EPB41L2: variants seen among roughly 807,000 people sequenced by gnomAD.
The protein encoded by EPB41L2 is erythrocyte membrane protein band 4.1 like 2, also known as band 4.1-like protein 2.
A neutral mutation model predicts 113.0 loss-of-function variants in EPB41L2; 43 were observed. That is an observed-to-expected ratio of 0.38 (90% CI 0.30 to 0.49). The LOEUF (loss-of-function observed/expected upper bound fraction) is 0.49, where lower values mean the gene tolerates loss of function less well. Ranked by LOEUF, EPB41L2 falls within the 20% of genes least tolerant of loss-of-function variation. The probability of loss-of-function intolerance (pLI) is 0.95; values close to 1 mark genes in which losing one functional copy is unlikely to be tolerated. For missense variants in EPB41L2, 1,147 were observed against 1,223.4 expected (o/e 0.94, Z 0.93); for synonymous variants, 442 against 436.7 (o/e 1.01, Z -0.15).
At chr6:130,960,946 T>G (rs1773343322) in intron 1 of EPB41L2, among the ~76,000 whole-genome samples, 3 of 152,202 alleles carry the variant, frequency 2.0e-5, no homozygotes, top group Non-Finnish European at 4.4e-5. Context: ...GACTGGCACA[T>G]AATAGGTATC....
At chr6:130,955,519 T>C (rs1427178573) in intron 2 of EPB41L2, among the ~76,000 whole-genome samples, 3 of 152,230 alleles carry the variant, frequency 2.0e-5, no homozygotes, top group Non-Finnish European at 4.4e-5. Context: ...TTTTGCCAAG[T>C]TGGTTATTTG....
chr6:130,869,663 T>C lies in EPB41L2; in HGVS notation c.2507A>G (p.Gln836Arg). ...TTCCTCTGCTTCTTCTCCCATGTCT[T>C]GCTTAAGAGCGCCTTCGTGTACACT... ...EKSVHEGALKQDMGEEAEEEP... is the reference protein window; with the variant it reads ...EKSVHEGALKRDMGEEAEEEP... Residue 836 changes from glutamine (Q) to arginine (R), a missense_variant, in exon 15 of 20, where the codon CAA becomes CGA. Transcript: ENST00000337057. The C allele has an allele frequency of 6.2e-7, 1 of 1,614,240 alleles. No homozygotes were observed. The highest frequency in any genetic ancestry group is 2.2e-5 in the East Asian group (1 of 44,884).
Position 131,030,801 on chromosome 6 carries a change from T to C in EPB41L2, c.-15+32354A>G, listed in dbSNP as rs183866121. The stretch of plus-strand genomic sequence containing the variant: ...AAATAGTGTATTGAGAGGCAGGGCA[T>C]GGTGTGTCTCACGCCTGTAATCCCA... On this transcript the variant is annotated intron_variant, in intron 1 of 19. Coordinates refer to ENST00000337057, the MANE Select transcript of EPB41L2 (RefSeq NM_001431.4). Among the ~76,000 whole-genome samples the C allele has an allele frequency of 6.5e-3, 990 of 151,828 alleles. 8 individuals carry two copies. Among genetic ancestry groups the C allele is most frequent in the Middle Eastern group, 0.01 (3 of 294 alleles).
At chr6:130,902,598 C>T (rs1796612631) in intron 6 of EPB41L2, among the ~76,000 whole-genome samples, 2 of 152,204 alleles carry the variant, frequency 1.3e-5, no homozygotes, top group Non-Finnish European at 2.9e-5. Context: ...ACAGTACATA[C>T]TTCAGACAAC....
At chr6:130,858,282 AAC>A in intron 18 of EPB41L2, 39 bp from the exon 19 acceptor site, 1 of 1,521,240 alleles carries the variant, frequency 6.6e-7, no homozygotes, top group Non-Finnish European at 9.0e-7. Context: ...TGAGCTGGGG[AAC>A]AGCCTCCACC....
chr6:131,043,989 T>C (rs1471121847), intron 1 of EPB41L2, among the ~76,000 whole-genome samples: 3 of 151,876 alleles, frequency 2.0e-5, no homozygotes, highest in African/African-American at 7.3e-5. Context: ...CAGTTTAGTT[T>C]TGTATATATT....
At chr6:130,855,564 T>C (rs1219420342) in intron 19 of EPB41L2, among the ~76,000 whole-genome samples, 1 of 152,074 alleles carries the variant, frequency 6.6e-6, no homozygotes, top group African/African-American at 2.4e-5. Context: ...ATAAGATAAA[T>C]ATAGAAAAGT....
At chr6:130,948,032 C>G (rs1363114213) in intron 3 of EPB41L2, among the ~76,000 whole-genome samples, 1 of 151,924 alleles carries the variant, frequency 6.6e-6, no homozygotes, top group African/African-American at 2.4e-5. Context: ...GCTATGAACT[C>G]AAAAGAAAAA....
At chr6:131,062,712 G>C (rs1223175112) in intron 1 of EPB41L2, 1 of 151,956 alleles carries the variant, frequency 6.6e-6, no homozygotes, top group South Asian at 2.1e-4. Context: ...GATGGAGCCG[G>C]ATTTTTCCCG....
chr6:130,839,477 A>G lies in EPB41L2; in HGVS notation c.*1127T>C, dbSNP rs1251049118. 1 of 152,194 alleles carries G rather than the reference A, an allele frequency of 6.6e-6. No individual in the cohort carries two copies. Among genetic ancestry groups the G allele is most frequent in the African/African-American group, 2.4e-5 (1 of 41,436 alleles). 9.4% of individuals were successfully genotyped at this position (152,194 alleles called of 1,614,324 possible). A position where few individuals can be genotyped will look rare whatever the true frequency, so the allele number is the denominator to read the frequency against. ...CATAGGGTCAAAGGCAAAGGAAAAA[A>G]TGTTCAATATAGTTAATAAGTCCCT... is the stretch of plus-strand genomic sequence containing the variant. On this transcript the variant is annotated 3_prime_UTR_variant, in exon 20 of 20. Coordinates refer to ENST00000337057, the MANE Select transcript of EPB41L2 (RefSeq NM_001431.4).
At chr6:130,913,289 T>G (rs1044050908) in intron 4 of EPB41L2, among the ~76,000 whole-genome samples, 3 of 152,192 alleles carry the variant, frequency 2.0e-5, no homozygotes, top group African/African-American at 7.2e-5. Flanking sequence ...AAGGCTGAAA[T>G]GGCTTACTTT....
At chr6:130,910,683 A>C (rs1275688286) in intron 4 of EPB41L2, among the ~76,000 whole-genome samples, 2 of 152,246 alleles carry the variant, frequency 1.3e-5, no homozygotes, top group Non-Finnish European at 2.9e-5. Context: ...ATTTACAAGA[A>C]AAAAATAACT....
At position 130,865,557 on chromosome 6, in the gene EPB41L2, CGTT is replaced by C. The variant is rs765333180; in HGVS notation, c.2805_2807del (p.Thr939del). On this transcript the variant is annotated inframe_deletion, in exon 17 of 20. Coordinates refer to ENST00000337057, the MANE Select transcript of EPB41L2 (RefSeq NM_001431.4). ...TTACCTTGGTGATGTGTGTGGTTGT[CGTT>C]GTTGACACGGACTCAGATGTGATGG... 2.5e-6 allele frequency: 4 copies of C among 1,614,074 alleles called. No individual in the cohort carries two copies. In the South Asian group the frequency reaches 3.3e-5, roughly 13 times the overall value.
At chr6:130,883,483 C>CA (rs1789939204) in intron 12 of EPB41L2, among the ~76,000 whole-genome samples, 1 of 152,212 alleles carries the variant, frequency 6.6e-6, no homozygotes, top group South Asian at 2.1e-4. Flanking sequence ...TGGTTGCTGA[C>CA]AGACATTCAA....
chr6:131,055,993 C>T (rs1797507461), intron 1 of EPB41L2, among the ~76,000 whole-genome samples: 1 of 152,126 alleles, frequency 6.6e-6, no homozygotes, highest in Non-Finnish European at 1.5e-5. Flanking sequence ...TGCGTGACAG[C>T]ACCAGAAGCA....
intron 1 of EPB41L2, among the ~76,000 whole-genome samples, chr6:131,059,524 G>A (rs913300092): frequency 5.1e-4 from 74 of 144,118 alleles, no homozygotes; most frequent in African/African-American, 1.8e-3. Flanking sequence ...CCCACGCAGA[G>A]AAATGATACA....
chr6:130,899,382 GC>G (rs1259434850), intron 8 of EPB41L2, 108 bp downstream of exon 8: 3 of 843,194 alleles, frequency 3.6e-6, no homozygotes, highest in Non-Finnish European at 5.8e-6. Context: ...TCAATTGAAA[GC>G]AAATATCCTT....
chr6:130,858,439 C>T, intron 18 of EPB41L2, 196 bp from the exon 19 acceptor site: 1 of 476,746 alleles, frequency 2.1e-6, no homozygotes, highest in Non-Finnish European at 3.8e-6. Flanking sequence ...CTAAATCTCC[C>T]AATTCTTCAG....
chr6:130,864,207 T>C (rs1198411146), intron 17 of EPB41L2, among the ~76,000 whole-genome samples: 1 of 152,240 alleles, frequency 6.6e-6, no homozygotes, highest in Non-Finnish European at 1.5e-5. Context: ...ATGTGATATA[T>C]ATTTTTTTCC....
Sources: gnomAD v4.1 joint callset for allele counts (sites outside exome capture counted in the v4.1 genomes callset) on GRCh38, gnomAD v4.1.1 for gene constraint, MANE v1.5 for transcripts, NCBI Gene and HGNC (gene_info 2026-07-23, HGNC 2026-07-21) for gene names.